Variants in HEATR5B observed in about 807,000 individuals in gnomAD.
The protein encoded by HEATR5B is HEAT repeat containing 5B.
A neutral mutation model predicts 224.1 loss-of-function variants in HEATR5B; 156 were observed. That is an observed-to-expected ratio of 0.70 (90% CI 0.61 to 0.80). The LOEUF is 0.80. Among genes scored for constraint, HEATR5B ranks in the 30% least tolerant of loss-of-function variants. The probability of loss-of-function intolerance (pLI) is 0.00; values close to 1 mark genes in which losing one functional copy is unlikely to be tolerated. For missense variants in HEATR5B, 2,323 were observed against 2,535.5 expected, an observed-to-expected ratio of 0.92 and a Z score of 1.80; for synonymous variants, 1,027 against 893.0, an observed-to-expected ratio of 1.15 and a Z score of -2.68.
chr2:37,066,602 C>T (rs755056772), intron 8 of HEATR5B, among the ~76,000 whole-genome samples: 30 of 152,164 alleles, frequency 2.0e-4, no homozygotes, highest in Non-Finnish European at 3.5e-4. Flanking sequence ...CCACTAGAAT[C>T]GAAATGTGTT....
chr2:37,026,315 G>A (rs1668770980), intron 24 of HEATR5B, among the ~76,000 whole-genome samples: 1 of 152,178 alleles, frequency 6.6e-6, no homozygotes, highest in East Asian at 1.9e-4. Context: ...AGCCCAGCGA[G>A]ACTCTTGTTG....
At chr2:37,041,051 C>T (rs896362129) in intron 19 of HEATR5B, 82 bp downstream of exon 19, 79 of 1,118,032 alleles carry the variant, frequency 7.1e-5, no homozygotes, top group South Asian at 4.6e-4. Flanking sequence ...CAACTTACCA[C>T]GGTCATTTTT....
chr2:37,067,355 A>G (rs1434578774), intron 8 of HEATR5B, among the ~76,000 whole-genome samples: 2 of 152,242 alleles, frequency 1.3e-5, no homozygotes, highest in African/African-American at 4.8e-5. Flanking sequence ...TGTGCAAATT[A>G]TTCTTTAAGT....
At chr2:37,007,830 C>T (rs188469200) in intron 28 of HEATR5B, among the ~76,000 whole-genome samples, 1 of 152,344 alleles carries the variant, frequency 6.6e-6, no homozygotes, top group Non-Finnish European at 1.5e-5. Context: ...TCCTCTGCTA[C>T]TGCTGATGTC....
At chr2:37,001,138 A>G (rs1667062283) in intron 32 of HEATR5B, among the ~76,000 whole-genome samples, 1 of 152,206 alleles carries the variant, frequency 6.6e-6, no homozygotes, top group African/African-American at 2.4e-5. Context: ...ACAGGAAAAA[A>G]CCACACCAGA....
chr2:37,043,287 T>C (rs971827434), intron 18 of HEATR5B, among the ~76,000 whole-genome samples: 1 of 152,154 alleles, frequency 6.6e-6, no homozygotes, highest in East Asian at 1.9e-4. Flanking sequence ...ATCAAATCAA[T>C]AGATACCAAG....
intron 9 of HEATR5B, 152 bp from the exon 10 acceptor site, chr2:37,065,142 G>A (rs1056517727): frequency 1.5e-6 from 1 of 653,168 alleles, no homozygotes; most frequent in African/African-American, 1.8e-5. Flanking sequence ...ATACAGTAGA[G>A]TACTTCAAAG....
intron 31 of HEATR5B, 58 bp from the exon 32 acceptor site, chr2:37,002,630 A>G (rs1010997244): frequency 7.0e-5 from 107 of 1,539,030 alleles, no homozygotes; most frequent in Non-Finnish European, 9.3e-5. Context: ...GTAAAACAAC[A>G]CAAGTATATT....
chr2:37,030,068 T>G (rs540103174), intron 22 of HEATR5B, among the ~76,000 whole-genome samples: 1 of 152,344 alleles, frequency 6.6e-6, no homozygotes, highest in African/African-American at 2.4e-5. Context: ...AATCTTTTCA[T>G]TCTTGTAAAC....
intron 22 of HEATR5B, among the ~76,000 whole-genome samples, chr2:37,029,503 A>C (rs1313015300): frequency 1.3e-5 from 2 of 152,086 alleles, no homozygotes; most frequent in Non-Finnish European, 2.9e-5. Flanking sequence ...GTCTCTACTA[A>C]AAATACAAAA....
chr2:37,060,966 T>C (rs535609263), intron 11 of HEATR5B, among the ~76,000 whole-genome samples: 103 of 152,300 alleles, frequency 6.8e-4, no homozygotes, highest in Middle Eastern at 3.4e-3. Context: ...AAAATTCACC[T>C]TAAACTGTCA....
intron 34 of HEATR5B, among the ~76,000 whole-genome samples, chr2:36,990,128 C>G (rs1034655486): frequency 2.7e-4 from 41 of 152,172 alleles, no homozygotes; most frequent in African/African-American, 9.6e-4. Flanking sequence ...AACTCCTGAC[C>G]TCCTGATCTG....
intron 18 of HEATR5B, among the ~76,000 whole-genome samples, chr2:37,047,035 C>CAAAAAAAAA (rs57343074): frequency 1.5e-4 from 7 of 45,418 alleles, no homozygotes; most frequent in African/African-American, 3.6e-4. Flanking sequence ...GACTCCACCT[C>CAAAAAAAAA]AAAAAAAAAA....
intron 6 of HEATR5B, among the ~76,000 whole-genome samples, chr2:37,071,475 G>A (rs1340920893): frequency 1.3e-5 from 2 of 152,036 alleles, no homozygotes; most frequent in African/African-American, 4.8e-5. Context: ...GGTACAAATG[G>A]GGATCTACTC....
At chr2:37,067,639 C>T (rs1404061856) in intron 8 of HEATR5B, among the ~76,000 whole-genome samples, 1 of 152,012 alleles carries the variant, frequency 6.6e-6, no homozygotes, top group African/African-American at 2.4e-5. Context: ...TGTGTGGTGG[C>T]ACACGCCTGT....
chr2:37,037,859 A>G lies in HEATR5B; in HGVS notation c.3212T>C (p.Leu1071Pro), dbSNP rs1176853592. ...HVNLSSLVPSLCVHLCSSHLL... is the reference protein window; with the variant it reads ...HVNLSSLVPSPCVHLCSSHLL... Reference sequence around the variant, plus strand: ...ATGAAATAGCTCTATACTTACACAAAGGCTAGGAACAAGGCTAGATAGATT... The same window carrying G: ...ATGAAATAGCTCTATACTTACACAAGGGCTAGGAACAAGGCTAGATAGATT... The change falls in exon 21 of 36, where the codon CTT becomes CCT. Residue 1071 changes from leucine to proline, a missense_variant. Around this residue, in one of 12 missense-constraint regions of HEATR5B, gnomAD observed 88 missense variants for 86.8 expected, o/e 1.01. Transcript: ENST00000233099. 6.6e-7 allele frequency: 1 copy of G among 1,522,716 alleles called. No homozygotes were observed. The highest frequency in any genetic ancestry group is 8.8e-7 in the Non-Finnish European group (1 of 1,131,658). The allele number at this position is 1,522,716 out of a possible 1,614,324, so 94.3% of individuals were successfully genotyped here. A position where few individuals can be genotyped will look rare whatever the true frequency, so the allele number is the denominator to read the frequency against.
chr2:36,983,588 T>TGTG (rs1665729613), intron 35 of HEATR5B, among the ~76,000 whole-genome samples: 1 of 146,666 alleles, frequency 6.8e-6, no homozygotes, highest in East Asian at 2.0e-4. Context: ...ATTAGCTGGG[T>TGTG]GTGGTGGCAC....
chr2:36,996,312 GCCTCT>G (rs1666706608), intron 33 of HEATR5B, among the ~76,000 whole-genome samples: 1 of 151,928 alleles, frequency 6.6e-6, no homozygotes, highest in Non-Finnish European at 1.5e-5. Flanking sequence ...GCCTGCCTTG[GCCTCT>G]CAAAGTGTTG....
intron 21 of HEATR5B, among the ~76,000 whole-genome samples, chr2:37,034,724 A>AT (rs925109792): frequency 2.7e-5 from 4 of 149,630 alleles, no homozygotes; most frequent in African/African-American, 9.8e-5. Flanking sequence ...CTCTCGCCTC[A>AT]TTTTTTTATT....
Sources: gnomAD v4.1 joint callset for allele counts (sites outside exome capture counted in the v4.1 genomes callset) on GRCh38, gnomAD v4.1.1 for gene constraint, gnomAD v4.1.1 regional missense constraint, MANE v1.5 for transcripts, NCBI Gene and HGNC (gene_info 2026-07-23, HGNC 2026-07-21) for gene names.